The following OGT variants were observed in gnomAD, a reference collection of about 807,000 sequenced individuals.
The protein encoded by OGT is UDP-N-acetylglucosamine--peptide N-acetylglucosaminyltransferase 110 kDa subunit.
OGT carries 3 observed loss-of-function variants against 75.8 expected under a neutral mutation model. The observed-to-expected ratio is 0.04, with a 90% CI of 0.02 to 0.10. The LOEUF (loss-of-function observed/expected upper bound fraction) is 0.10. Among genes scored for constraint, OGT ranks in the 10% least tolerant of loss-of-function variants. The pLI, the probability that OGT is intolerant of heterozygous loss-of-function variation, is 1.00. For missense variants in OGT, 260 were observed against 824.4 expected (o/e 0.32, Z 8.38); for synonymous variants, 257 against 289.7 (o/e 0.89, Z 1.15).
chrX:71,567,785 T>G (rs2040425912), intron 20 of OGT, 33 bp downstream of exon 20: 1 of 1,163,002 alleles, frequency 8.6e-7, no homozygotes, highest in Non-Finnish European at 1.2e-6. Flanking sequence ...GAATCTTCCT[T>G]GTTCCTTTGA....
chrX:71,549,160 G>A (rs2040283129), intron 5 of OGT, among the ~76,000 whole-genome samples: 1 of 107,523 alleles, frequency 9.3e-6, no homozygotes, highest in Non-Finnish European at 1.9e-5. Context: ...GCTGGGTGTG[G>A]CAGTGTGCTC....
chrX:71,536,124 T>C (rs2040173920), intron 1 of OGT, 54 bp from the exon 2 acceptor site: 2 of 1,083,865 alleles, frequency 1.8e-6, no homozygotes, highest in Non-Finnish European at 2.5e-6. Context: ...GGTTTACATT[T>C]CTAACTTTTT....
chrX:71,540,996 T>C (rs764026446), intron 3 of OGT, among the ~76,000 whole-genome samples: 27 of 112,286 alleles, frequency 2.4e-4, no homozygotes, highest in African/African-American at 8.1e-4. Context: ...GAAGGTGTTA[T>C]TGCAGATAGC....
chrX:71,553,843 C>T (rs6624558), intron 5 of OGT, among the ~76,000 whole-genome samples: 3 of 111,944 alleles, frequency 2.7e-5, no homozygotes, highest in Non-Finnish European at 3.8e-5. Context: ...CAGTGTTTCT[C>T]TTCCTTGGTT....
intron 12 of OGT, among the ~76,000 whole-genome samples, chrX:71,558,765 C>CTTTT (rs397895020): frequency 1.6e-5 from 1 of 61,497 alleles, no homozygotes; most frequent in Non-Finnish European, 2.7e-5. Context: ...TTTGCTCGTA[C>CTTTT]TTTTTTTTTT....
intron 3 of OGT, among the ~76,000 whole-genome samples, chrX:71,540,500 C>A (rs777272033): frequency 3.6e-5 from 4 of 111,757 alleles, no homozygotes; most frequent in Non-Finnish European, 7.5e-5. Context: ...TAACTGTTTT[C>A]AACAGTGTTT....
In OGT at chrX:71,533,238, T is replaced by G; in HGVS notation, c.-62T>G. 2 of 1,086,515 alleles carry G rather than the reference T, an allele frequency of 1.8e-6. No homozygotes were observed. The highest frequency in any genetic ancestry group is 2.5e-6 in the Non-Finnish European group (2 of 796,163). 89.5% of individuals were successfully genotyped at this position (1,086,515 alleles called of 1,213,427 possible). On this transcript the variant is annotated 5_prime_UTR_variant, in exon 1 of 22. Transcript: ENST00000373719. ...GTACTACTACCTCCAAATACGTTCT[T>G]GCTGGTAGTGGCGGCAGCAGGACCA...
chrX:71,547,228 A>T (rs1018548300), intron 4 of OGT: 2 of 754,315 alleles, frequency 2.7e-6, no homozygotes, highest in Non-Finnish European at 3.1e-6. Context: ...CTTGGCAGAA[A>T]GACATTTTTC....
rs775071653 is a variant in OGT at position 71,567,682 on chromosome X, T to C, written c.2772T>C (p.Thr924=). 1.7e-6 allele frequency: 2 copies of C among 1,210,386 alleles called. No individual in the cohort carries two copies. Among genetic ancestry groups the C allele is most frequent in the Non-Finnish European group, 2.2e-6 (2 of 894,402 alleles). ...AGCTGGCTGATGTCTGCTTGGACAC[T>C]CCACTCTGTAATGGGCACACCACAG... ...RGQLADVCLD[T]PLCNGHTTGM... is the part of the protein sequence containing the mutation. The change falls in exon 20 of 22, where the codon ACT becomes ACC. Residue 924 remains threonine (T), a synonymous_variant. Coordinates refer to ENST00000373719, the MANE Select transcript of OGT (RefSeq NM_181672.3).
chrX:71,535,508 G>A (rs1177361028), intron 1 of OGT, among the ~76,000 whole-genome samples: 1 of 112,189 alleles, frequency 8.9e-6, no homozygotes, highest in Non-Finnish European at 1.9e-5. Flanking sequence ...TATTTTGGCT[G>A]TTGTCAAATG....
chrX:71,566,809 A>C (rs746131431), intron 19 of OGT, among the ~76,000 whole-genome samples: 2 of 112,675 alleles, frequency 1.8e-5, no homozygotes, highest in East Asian at 2.8e-4. Context: ...ACACAGTACT[A>C]CTTTTTTAAA....
intron 5 of OGT, among the ~76,000 whole-genome samples, chrX:71,554,246 C>T (rs766315635): frequency 3.1e-4 from 35 of 111,809 alleles, no homozygotes; most frequent in African/African-American, 9.7e-4. Context: ...TAGAAGTGTT[C>T]AGTTTAATGA....
intron 5 of OGT, among the ~76,000 whole-genome samples, chrX:71,549,350 G>A (rs992919770): frequency 2.0e-5 from 2 of 101,923 alleles, no homozygotes; most frequent in African/African-American, 7.2e-5. Flanking sequence ...TGTTCACTAA[G>A]TGTTACAGAT....
At chrX:71,548,427 C>A (rs1021631837) in intron 5 of OGT, among the ~76,000 whole-genome samples, 1 of 111,101 alleles carries the variant, frequency 9.0e-6, no homozygotes, top group African/African-American at 3.3e-5. Flanking sequence ...CAGAGTGAGA[C>A]CCTGTCTCTA....
At chrX:71,540,342 A>G (rs1425032706) in intron 3 of OGT, among the ~76,000 whole-genome samples, 2 of 112,409 alleles carry the variant, frequency 1.8e-5, no homozygotes, top group African/African-American at 3.2e-5. Flanking sequence ...TCTTGTTGAC[A>G]GTGCTTAAAT....
chrX:71,555,447 TGTG>T, intron 7 of OGT, 62 bp downstream of exon 7: 2 of 1,032,136 alleles, frequency 1.9e-6, no homozygotes, highest in Non-Finnish European at 2.7e-6. Context: ...TCTGGCCAGG[TGTG>T]GTGGCTCACA....
At chrX:71,552,146 C>CG (rs2040309259) in intron 5 of OGT, among the ~76,000 whole-genome samples, 2 of 109,049 alleles carry the variant, frequency 1.8e-5, no homozygotes, top group South Asian at 4.0e-4. Flanking sequence ...TGCCTGAACC[C>CG]GGGAGGAGGA....
At chrX:71,560,649 A>G (rs192908857) in intron 14 of OGT, among the ~76,000 whole-genome samples, 2 of 111,873 alleles carry the variant, frequency 1.8e-5, no homozygotes, top group East Asian at 5.6e-4. Flanking sequence ...AGGTTTTGAG[A>G]CTTCTCATTT....
intron 8 of OGT, 58 bp downstream of exon 8, chrX:71,556,152 G>A: frequency 9.0e-7 from 1 of 1,114,028 alleles, no homozygotes; most frequent in Non-Finnish European, 1.2e-6. Flanking sequence ...AAGCAGTTAA[G>A]TTTACCATCA....
Sources: gnomAD v4.1 joint callset for allele counts (sites outside exome capture counted in the v4.1 genomes callset) on GRCh38, gnomAD v4.1.1 for gene constraint, MANE v1.5 for transcripts, NCBI Gene and HGNC (gene_info 2026-07-23, HGNC 2026-07-21) for gene names.